Variants in ADAMTSL3 observed in about 807,000 individuals in gnomAD.
ADAMTSL3 encodes the protein ADAMTS like 3.
Under a neutral mutation model 201.7 loss-of-function variants are expected in ADAMTSL3, and 128 were observed. The observed-to-expected ratio is 0.63, with a 90% CI of 0.55 to 0.73. The LOEUF is 0.73. Among genes scored for constraint, ADAMTSL3 ranks in the 30% least tolerant of loss-of-function variants. The probability of loss-of-function intolerance (pLI) is 0.00; values close to 1 mark genes in which losing one functional copy is unlikely to be tolerated. For synonymous variants in ADAMTSL3, 738 were observed against 748.4 expected, an observed-to-expected ratio of 0.99 and a Z score of 0.23; for missense variants, 1,990 against 2,119.6, an observed-to-expected ratio of 0.94 and a Z score of 1.20.
At chr15:83,701,154 C>G (rs2061771180) in intron 2 of ADAMTSL3, among the ~76,000 whole-genome samples, 1 of 152,052 alleles carries the variant, frequency 6.6e-6, no homozygotes, top group Non-Finnish European at 1.5e-5. Flanking sequence ...TCATTTCTTC[C>G]CAAGCAGGGG....
Position 83,675,586 on chromosome 15 carries a change from C to CTT in ADAMTSL3, c.69+19770_69+19771dup, listed in dbSNP as rs77339448. On this transcript the variant is annotated intron_variant, in intron 2 of 29. Coordinates refer to ENST00000286744, the MANE Select transcript of ADAMTSL3 (RefSeq NM_207517.3). ...ATGAGAGATATTCACGTGCTGTTTTCTTTTTTTTTTTTTTTGTCCTGTCAT... is the reference window on the plus strand; with the variant it reads ...ATGAGAGATATTCACGTGCTGTTTTCTTTTTTTTTTTTTTTTTGTCCTGTCAT... 4.2e-3 allele frequency among the ~76,000 whole-genome samples: 524 copies of CTT among 126,046 alleles called. 5 individuals carry two copies. The highest frequency in any genetic ancestry group is 0.012 in the African/African-American group (423 of 34,430). 82.7% of individuals were successfully genotyped at this position (126,046 alleles called of 152,430 possible). A position where few individuals can be genotyped will look rare whatever the true frequency, so the allele number is the denominator to read the frequency against.
chr15:83,766,069 AG>A (rs1423053928), intron 3 of ADAMTSL3, among the ~76,000 whole-genome samples: 1 of 145,418 alleles, frequency 6.9e-6, no homozygotes, highest in African/African-American at 2.5e-5. Flanking sequence ...GGGATACATG[AG>A]GTGCTTCCAG....
Position 83,704,864 on chromosome 15 carries a change from CTTCAT to C in ADAMTSL3, c.189+360_189+364del, listed in dbSNP as rs561694514. 2.2e-3 allele frequency among the ~76,000 whole-genome samples: 333 copies of C among 152,188 alleles called. 3 individuals carry two copies. Among genetic ancestry groups the C allele is most frequent in the Admixed American group, 0.02 (302 of 15,278 alleles). Reference sequence around the variant, plus strand: ...GTTACTTCTTTGCCCTCAGCTTTTACTTCATTTCTTTTACCAGCACCAATGTTGCA... The same window carrying C: ...GTTACTTCTTTGCCCTCAGCTTTTACTTCTTTTACCAGCACCAATGTTGCA... On this transcript the variant is annotated intron_variant, in intron 3 of 29. Transcript: ENST00000286744.
At chr15:83,879,895 C>T (rs1466966826) in intron 9 of ADAMTSL3, among the ~76,000 whole-genome samples, 2 of 152,188 alleles carry the variant, frequency 1.3e-5, no homozygotes, top group Admixed American at 1.3e-4. Context: ...AGAATCATTG[C>T]ATCTTCCTAG....
chr15:83,757,260 C>T (rs2062736659), intron 3 of ADAMTSL3, among the ~76,000 whole-genome samples: 1 of 152,256 alleles, frequency 6.6e-6, no homozygotes, highest in Admixed American at 6.5e-5. Flanking sequence ...TTTGCATGGA[C>T]ATCCAGGTAT....
chr15:83,778,130 C>A (rs1462601480), intron 4 of ADAMTSL3, among the ~76,000 whole-genome samples: 1 of 151,878 alleles, frequency 6.6e-6, no homozygotes, highest in South Asian at 2.1e-4. Context: ...GTAAAGAGAC[C>A]AAATCCATGA....
At chr15:83,757,558 C>A (rs1386307969) in intron 3 of ADAMTSL3, among the ~76,000 whole-genome samples, 2 of 152,228 alleles carry the variant, frequency 1.3e-5, no homozygotes, top group Non-Finnish European at 2.9e-5. Context: ...ATGGGAGGTG[C>A]TGCTGCAAAG....
chr15:83,848,639 A>G (rs975087870), intron 7 of ADAMTSL3, among the ~76,000 whole-genome samples: 2 of 152,334 alleles, frequency 1.3e-5, no homozygotes, highest in African/African-American at 4.8e-5. Flanking sequence ...GAAGGATTTA[A>G]AAGTGTAGTT....
intron 13 of ADAMTSL3, among the ~76,000 whole-genome samples, chr15:83,893,173 A>G (rs994464814): frequency 2.0e-5 from 3 of 152,228 alleles, no homozygotes; most frequent in Non-Finnish European, 4.4e-5. Context: ...TCTGTAAAGA[A>G]CAAATGTTGA....
In ADAMTSL3 at chr15:83,826,558, C is replaced by T. The variant is rs533173779; in HGVS notation, c.600+6511C>T. Among the ~76,000 whole-genome samples, 121 of 151,522 alleles carry T rather than the reference C, an allele frequency of 8.0e-4. No individual in the cohort carries two copies. The Middle Eastern group carries it at 0.014, about 17-fold the overall frequency. ...TAAGTTCTAGGGTACATGTGAACAA[C>T]GTGCAGGTTTGTTACATATGTATAC... On this transcript the variant is annotated intron_variant, in intron 6 of 29. Transcript: ENST00000286744.
intron 13 of ADAMTSL3, among the ~76,000 whole-genome samples, chr15:83,896,740 G>T (rs988931473): frequency 9.2e-5 from 14 of 151,946 alleles, no homozygotes; most frequent in Non-Finnish European, 1.9e-4. Context: ...TCCCCAACAT[G>T]CAGATTATAT....
chr15:84,034,389 G>T (rs2141945300), intron 28 of ADAMTSL3, among the ~76,000 whole-genome samples: 1 of 152,256 alleles, frequency 6.6e-6, no homozygotes, highest in South Asian at 2.1e-4. Context: ...GAGGATCAGT[G>T]GTGGGCAGGC....
At chr15:83,850,551 C>T (rs1315168870) in intron 7 of ADAMTSL3, among the ~76,000 whole-genome samples, 1 of 151,358 alleles carries the variant, frequency 6.6e-6, no homozygotes, top group African/African-American at 2.4e-5. Flanking sequence ...TTAATCACGT[C>T]TCCAGCTACG....
chr15:83,793,040 G>C (rs902991279), intron 4 of ADAMTSL3, among the ~76,000 whole-genome samples: 5 of 152,150 alleles, frequency 3.3e-5, no homozygotes, highest in Non-Finnish European at 7.4e-5. Context: ...GTGACAATGT[G>C]GATGAACATG....
chr15:83,924,131 A>G (rs955504923), intron 17 of ADAMTSL3, 98 bp downstream of exon 17: 2 of 1,461,350 alleles, frequency 1.4e-6, no homozygotes, highest in Non-Finnish European at 1.8e-6. Flanking sequence ...GGCTTCACCC[A>G]AGGTAGATGT....
intron 7 of ADAMTSL3, among the ~76,000 whole-genome samples, chr15:83,855,967 G>A (rs1405067437): frequency 2.0e-5 from 3 of 151,848 alleles, no homozygotes; most frequent in Admixed American, 6.6e-5. Context: ...GCCTAGATCA[G>A]GCCACTGCAC....
intron 4 of ADAMTSL3, among the ~76,000 whole-genome samples, chr15:83,796,416 A>C (rs2063427532): frequency 6.6e-6 from 1 of 152,242 alleles, no homozygotes; most frequent in Admixed American, 6.5e-5. Flanking sequence ...TTCAAAAGGC[A>C]GTACTAGTAA....
At chr15:83,985,907 G>A (rs1302057263) in intron 21 of ADAMTSL3, among the ~76,000 whole-genome samples, 1 of 152,072 alleles carries the variant, frequency 6.6e-6, no homozygotes, top group East Asian at 1.9e-4. Flanking sequence ...TGGGATTACA[G>A]GCATGAGTCG....
intron 2 of ADAMTSL3, among the ~76,000 whole-genome samples, chr15:83,674,842 G>A (rs1367822996): frequency 6.8e-6 from 1 of 146,674 alleles, no homozygotes; most frequent in African/African-American, 2.5e-5. Context: ...GTCGCTTTTG[G>A]GGGAGGATAA....
Sources: allele counts gnomAD v4.1 joint callset (sites outside exome capture counted in the v4.1 genomes callset), GRCh38; gene constraint gnomAD v4.1.1; transcripts MANE v1.5; gene names NCBI Gene and HGNC (gene_info 2026-07-23, HGNC 2026-07-21).